The following NRXN3 variants were observed in gnomAD, a reference collection of about 807,000 sequenced individuals.
The protein encoded by NRXN3 is neurexin 3, also known as neurexin III.
Under a neutral mutation model 137.6 loss-of-function variants are expected in NRXN3, and 32 were observed. The ratio of observed to expected loss-of-function variants is 0.23; its 90% CI spans 0.18 to 0.31. NRXN3 has a LOEUF of 0.31. Ranked by LOEUF, NRXN3 falls within the 10% of genes least tolerant of loss-of-function variation. The pLI is 1.00. For missense variants in NRXN3, 1,574 were observed against 2,062.5 expected (o/e 0.76, Z 4.59); for synonymous variants, 798 against 784.5 (o/e 1.02, Z -0.29).
intron 4 of NRXN3, among the ~76,000 whole-genome samples, chr14:78,467,073 A>G (rs1027742416): frequency 1.3e-5 from 2 of 152,162 alleles, no homozygotes; most frequent in African/African-American, 2.4e-5. Context: ...GACTGAAGTA[A>G]TGTATGTCTC....
intron 15 of NRXN3, among the ~76,000 whole-genome samples, chr14:79,095,682 C>T (rs2050184615): frequency 6.6e-6 from 1 of 151,982 alleles, no homozygotes; most frequent in Admixed American, 6.6e-5. Context: ...AGAAAAATAG[C>T]TTCTCCATAC....
chr14:78,173,797 C>T (rs575154702), intron 1 of NRXN3, among the ~76,000 whole-genome samples: 8 of 130,360 alleles, frequency 6.1e-5, no homozygotes, highest in East Asian at 4.8e-4. Context: ...AGGGCAAAGT[C>T]GGCACATCCA....
intron 1 of NRXN3, among the ~76,000 whole-genome samples, chr14:78,224,181 A>G (rs952229728): frequency 9.1e-6 from 1 of 109,910 alleles, no homozygotes; most frequent in African/African-American, 3.2e-5. Context: ...TGCCCTCAAC[A>G]AGACTTTTTT....
At chr14:79,314,899 C>T (rs2088168258) in intron 15 of NRXN3, among the ~76,000 whole-genome samples, 1 of 151,970 alleles carries the variant, frequency 6.6e-6, no homozygotes, top group South Asian at 2.1e-4. Flanking sequence ...GACATCTACA[C>T]TGAAAACCCA....
chr14:78,420,469 G>T (rs1458254884), intron 4 of NRXN3, among the ~76,000 whole-genome samples: 3 of 152,048 alleles, frequency 2.0e-5, no homozygotes, highest in African/African-American at 7.2e-5. Context: ...TCCTCATCTG[G>T]GTTACCATGA....
At chr14:79,637,321 A>G (rs1054913336) in intron 16 of NRXN3, among the ~76,000 whole-genome samples, 2 of 152,198 alleles carry the variant, frequency 1.3e-5, no homozygotes, top group Non-Finnish European at 2.9e-5. Context: ...TATTATTCTT[A>G]TTATCCTTGA....
At chr14:79,557,031 C>A (rs2097436464) in intron 16 of NRXN3, among the ~76,000 whole-genome samples, 1 of 151,768 alleles carries the variant, frequency 6.6e-6, no homozygotes, top group African/African-American at 2.4e-5. Context: ...GCAAACTTAA[C>A]CCTCTGCAGG....
intron 10 of NRXN3, among the ~76,000 whole-genome samples, chr14:78,866,023 G>A (rs1423133722): frequency 1.3e-5 from 2 of 152,120 alleles, no homozygotes; most frequent in East Asian, 1.9e-4. Flanking sequence ...TTATCACCAG[G>A]TTCATAACTA....
In NRXN3 at chr14:79,320,326, T is replaced by C. The variant is rs767598862; in HGVS notation, c.3263-146895T>C. Among the ~76,000 whole-genome samples the C allele has an allele frequency of 2.0e-5, 3 of 152,166 alleles. No homozygotes were observed. In the East Asian group the frequency reaches 5.8e-4, roughly 29 times the overall value. ...AGTAGACTAAATAAGTGGTGGACAT[T>C]TTTCTACAGTAAGTATTTACTTTTC... On this transcript the variant is annotated intron_variant, in intron 15 of 20. Coordinates refer to ENST00000335750, the MANE Select transcript of NRXN3 (RefSeq NM_001330195.2).
chr14:78,742,125 C>A (rs1018442204), intron 8 of NRXN3, among the ~76,000 whole-genome samples: 1 of 152,150 alleles, frequency 6.6e-6, no homozygotes, highest in Non-Finnish European at 1.5e-5. Context: ...TAGCTGGCTT[C>A]CCACGGAAAC....
chr14:78,520,803 A>C (rs2096273830), intron 4 of NRXN3, among the ~76,000 whole-genome samples: 1 of 152,190 alleles, frequency 6.6e-6, no homozygotes. Context: ...GGTGCCCCTC[A>C]TGATGGGAAG....
At chr14:79,439,983 T>C (rs537109641) in intron 15 of NRXN3, among the ~76,000 whole-genome samples, 1 of 152,344 alleles carries the variant, frequency 6.6e-6, no homozygotes, top group South Asian at 2.1e-4. Context: ...AGTGGAGCAG[T>C]ATAAATTGTA....
At chr14:78,359,979 A>G (rs2084882342) in intron 4 of NRXN3, among the ~76,000 whole-genome samples, 1 of 152,096 alleles carries the variant, frequency 6.6e-6, no homozygotes, top group Admixed American at 6.6e-5. Context: ...CCCTCACCTA[A>G]AAATAACTTT....
intron 10 of NRXN3, among the ~76,000 whole-genome samples, chr14:78,926,927 AATATATT>A (rs2099304193): frequency 3.4e-5 from 1 of 29,738 alleles, no homozygotes; most frequent in Non-Finnish European, 4.8e-5. Context: ...TATAATATAT[AATATATT>A]TATATATATA....
At chr14:78,217,126 T>C (rs2063371656) in intron 1 of NRXN3, among the ~76,000 whole-genome samples, 1 of 152,238 alleles carries the variant, frequency 6.6e-6, no homozygotes, top group African/African-American at 2.4e-5. Context: ...TCCTGCTTAT[T>C]TGATTTAAAA....
At chr14:79,302,295 G>A (rs1598454600) in intron 15 of NRXN3, among the ~76,000 whole-genome samples, 1 of 151,996 alleles carries the variant, frequency 6.6e-6, no homozygotes, top group East Asian at 1.9e-4. Flanking sequence ...ACCGGAGGCT[G>A]GGTAATTTAT....
intron 16 of NRXN3, among the ~76,000 whole-genome samples, chr14:79,655,623 C>G (rs1299599009): frequency 6.6e-6 from 1 of 152,074 alleles, no homozygotes; most frequent in Non-Finnish European, 1.5e-5. Context: ...TGTTAAGTGA[C>G]TGAAGTTTTG....
chr14:78,508,724 G>T (rs1285502890), intron 4 of NRXN3, among the ~76,000 whole-genome samples: 1 of 152,058 alleles, frequency 6.6e-6, no homozygotes, highest in African/African-American at 2.4e-5. Flanking sequence ...AAGGCCCTTA[G>T]AAGTTTTCTT....
At chr14:78,325,522 G>T (rs886221355) in intron 4 of NRXN3, among the ~76,000 whole-genome samples, 3 of 152,168 alleles carry the variant, frequency 2.0e-5, no homozygotes, top group African/African-American at 7.2e-5. Context: ...TATATGGTAA[G>T]TGCTTGATAG....
Sources: gnomAD v4.1 joint callset for allele counts (sites outside exome capture counted in the v4.1 genomes callset) on GRCh38, gnomAD v4.1.1 for gene constraint, MANE v1.5 for transcripts, NCBI Gene and HGNC (gene_info 2026-07-23, HGNC 2026-07-21) for gene names.